The following IFTAP variants were observed in gnomAD, a reference collection of about 807,000 sequenced individuals.
IFTAP encodes intraflagellar transport associated protein.
Under a neutral mutation model 19.4 loss-of-function variants are expected in IFTAP, and 19 were observed. That is an observed-to-expected ratio of 0.98 (90% CI 0.68 to 1.44). The LOEUF is 1.44. Ranked by LOEUF, IFTAP falls within the 40% of genes most tolerant of loss-of-function variation. The pLI is 0.00. For missense variants in IFTAP, 240 were observed against 253.6 expected (o/e 0.95, Z 0.36); for synonymous variants, 85 against 83.5 (o/e 1.02, Z -0.10).
rs1243664769 is a variant in IFTAP, at chr11:36,596,211, G to GTTTTTTTTTT, written c.-24+1620_-24+1629dup. Among the ~76,000 whole-genome samples the GTTTTTTTTTT allele has an allele frequency of 2.0e-4, 20 of 101,150 alleles. 2 individuals are homozygous for GTTTTTTTTTT. The highest frequency in any genetic ancestry group is 5.3e-4 in the African/African-American group (13 of 24,308). 66.4% of individuals were successfully genotyped at this position (101,150 alleles called of 152,430 possible). A position where few individuals can be genotyped will look rare whatever the true frequency, so the allele number is the denominator to read the frequency against. Reference sequence around the variant, plus strand: ...CTGGTCACTCTAATGAGATGGTAGTGTTTTTTTTTTGTTTTTTTTTTTTTT... The same window carrying GTTTTTTTTTT: ...CTGGTCACTCTAATGAGATGGTAGTGTTTTTTTTTTTTTTTTTTTTGTTTTTTTTTTTTTT... On this transcript the variant is annotated intron_variant, in intron 1 of 5. Coordinates refer to ENST00000334307, the MANE Select transcript of IFTAP (RefSeq NM_138787.4).
chr11:36,605,214 C>T (rs1027128453), intron 1 of IFTAP, among the ~76,000 whole-genome samples: 27 of 151,910 alleles, frequency 1.8e-4, no homozygotes, highest in Non-Finnish European at 3.2e-4. Context: ...CAGAAGATTA[C>T]CATTTTGAGT....
intron 1 of IFTAP, among the ~76,000 whole-genome samples, chr11:36,603,795 G>T (rs943775146): frequency 6.6e-6 from 1 of 151,904 alleles, no homozygotes; most frequent in South Asian, 2.1e-4. Context: ...GGTGGTGTGC[G>T]CCTGTAATCC....
At chr11:36,623,086 C>A (rs1590212923) in intron 2 of IFTAP, among the ~76,000 whole-genome samples, 1 of 152,068 alleles carries the variant, frequency 6.6e-6, no homozygotes, top group East Asian at 1.9e-4. Context: ...TTCATGGAAT[C>A]TTTACTTGGG....
At chr11:36,641,370 A>G (rs963550075) in intron 4 of IFTAP, among the ~76,000 whole-genome samples, 2 of 152,162 alleles carry the variant, frequency 1.3e-5, no homozygotes, top group Admixed American at 1.3e-4. Context: ...GTGAGTGTTG[A>G]TAGACATAAC....
At chr11:36,645,255 A>T (rs768574203) in intron 4 of IFTAP, among the ~76,000 whole-genome samples, 1 of 152,128 alleles carries the variant, frequency 6.6e-6, no homozygotes, top group Non-Finnish European at 1.5e-5. Context: ...CTTGCTGATC[A>T]TTGACAAAAT....
At chr11:36,655,362 C>A (rs1853933322) in intron 5 of IFTAP, among the ~76,000 whole-genome samples, 1 of 152,192 alleles carries the variant, frequency 6.6e-6, no homozygotes, top group South Asian at 2.1e-4. Context: ...CCTTCCCAAT[C>A]CCCTCCAACT....
At chr11:36,648,753 G>A (rs796437930) in intron 5 of IFTAP, among the ~76,000 whole-genome samples, 1 of 152,112 alleles carries the variant, frequency 6.6e-6, no homozygotes, top group South Asian at 2.1e-4. Context: ...GAGGGGAGGA[G>A]AGAAGAACAT....
At chr11:36,615,926 C>T in intron 2 of IFTAP, among the ~76,000 whole-genome samples, 1 of 151,960 alleles carries the variant, frequency 6.6e-6, no homozygotes, top group East Asian at 1.9e-4. Context: ...AAGAAAAAGG[C>T]AATTTCTTTT....
chr11:36,623,553 G>A (rs1852389249), intron 2 of IFTAP, among the ~76,000 whole-genome samples: 1 of 152,090 alleles, frequency 6.6e-6, no homozygotes. Flanking sequence ...TTTTAGGGTG[G>A]GCTTTAGTTT....
At chr11:36,648,338 G>C in intron 5 of IFTAP, 183 bp downstream of exon 5, 1 of 706,760 alleles carries the variant, frequency 1.4e-6, no homozygotes, top group South Asian at 2.3e-5. Context: ...TAAACACATA[G>C]AGCAATTATG....
chr11:36,605,757 C>T (rs1270809145), intron 1 of IFTAP, among the ~76,000 whole-genome samples: 3 of 152,120 alleles, frequency 2.0e-5, no homozygotes, highest in Admixed American at 2.0e-4. Flanking sequence ...TGTGATTTAC[C>T]AGCAGATATT....
chr11:36,604,054 T>C (rs10501158), intron 1 of IFTAP, among the ~76,000 whole-genome samples: 14,421 of 152,206 alleles, frequency 0.095, 840 homozygotes, highest in African/African-American at 0.15. Flanking sequence ...TTATATGCAG[T>C]TTTTAGGATG....
At chr11:36,650,956 T>A (rs1853698775) in intron 5 of IFTAP, among the ~76,000 whole-genome samples, 1 of 152,230 alleles carries the variant, frequency 6.6e-6, no homozygotes, top group South Asian at 2.1e-4. Context: ...AGTCTATCAT[T>A]GATGGACATT....
chr11:36,599,566 T>A (rs902849999), intron 1 of IFTAP, among the ~76,000 whole-genome samples: 6 of 152,212 alleles, frequency 3.9e-5, no homozygotes, highest in African/African-American at 1.4e-4. Flanking sequence ...ATGATGAAGA[T>A]GTACATATAT....
At chr11:36,643,354 C>G (rs1853318136) in intron 4 of IFTAP, among the ~76,000 whole-genome samples, 1 of 152,146 alleles carries the variant, frequency 6.6e-6, no homozygotes, top group Non-Finnish European at 1.5e-5. Flanking sequence ...AAAGAGGATA[C>G]AAACAAATGG....
rs1343794451 is a variant in IFTAP, at chr11:36,610,097, A to G, written c.-7A>G. On this transcript the variant is annotated 5_prime_UTR_variant, in exon 2 of 6. Transcript: ENST00000334307. ...GTCTTGCAGATACTGTGGCCTCATG[A>G]ATAGGAATGTCTGCCCATATGTCAG... The G allele has an allele frequency of 1.2e-6, 2 of 1,612,652 alleles. No individual in the cohort carries two copies.
chr11:36,617,805 A>T (rs1852147982), intron 2 of IFTAP, among the ~76,000 whole-genome samples: 2 of 152,020 alleles, frequency 1.3e-5, no homozygotes, highest in Admixed American at 1.3e-4. Flanking sequence ...ACTGAAAGTC[A>T]TTGTAGATTA....
At chr11:36,611,172 C>A (rs1851863658) in intron 2 of IFTAP, among the ~76,000 whole-genome samples, 1 of 152,080 alleles carries the variant, frequency 6.6e-6, no homozygotes, top group Non-Finnish European at 1.5e-5. Context: ...ATTCAAGTGG[C>A]CCCCTAGGCA....
intron 4 of IFTAP, among the ~76,000 whole-genome samples, chr11:36,642,488 T>C (rs1050723832): frequency 6.6e-6 from 1 of 152,136 alleles, no homozygotes; most frequent in African/African-American, 2.4e-5. Context: ...AAAGAGGAAA[T>C]CCTCCCTAAC....
Sources: allele counts gnomAD v4.1 joint callset (sites outside exome capture counted in the v4.1 genomes callset), GRCh38; gene constraint gnomAD v4.1.1; transcripts MANE v1.5; gene names NCBI Gene and HGNC (gene_info 2026-07-23, HGNC 2026-07-21).